Variants in ABI3BP observed in about 807,000 individuals in gnomAD.
ABI3BP encodes target of Nesh-SH3.
Under a neutral mutation model 268.6 loss-of-function variants are expected in ABI3BP, and 216 were observed. That is an observed-to-expected ratio of 0.80 (90% CI 0.72 to 0.90). The LOEUF is 0.90. ABI3BP is among the 40% of genes least tolerant of loss of function. The pLI, the probability that ABI3BP is intolerant of heterozygous loss-of-function variation, is 0.00. For missense variants in ABI3BP, 2,090 were observed against 2,182.4 expected (o/e 0.96, Z 0.84); for synonymous variants, 730 against 730.0 (o/e 1.00, Z 0.00).
intron 54 of ABI3BP, among the ~76,000 whole-genome samples, chr3:100,794,045 C>T (rs2097269899): frequency 6.6e-6 from 1 of 152,016 alleles, no homozygotes; most frequent in Non-Finnish European, 1.5e-5. Flanking sequence ...GCCTCTTTCC[C>T]ATCTGTCCGT....
intron 1 of ABI3BP, among the ~76,000 whole-genome samples, chr3:100,932,511 T>A (rs377252064): frequency 2.7e-5 from 4 of 150,808 alleles, no homozygotes; most frequent in Non-Finnish European, 4.5e-5. Context: ...AAAAACCAAA[T>A]AACCCCATTT....
chr3:100,986,459 G>T (rs1196350691), intron 1 of ABI3BP, among the ~76,000 whole-genome samples: 1 of 152,056 alleles, frequency 6.6e-6, no homozygotes, highest in Non-Finnish European at 1.5e-5. Flanking sequence ...ATAAGAAAAA[G>T]ATAACTAACA....
At chr3:100,871,310 A>T (rs1323203347) in intron 9 of ABI3BP, among the ~76,000 whole-genome samples, 4 of 152,208 alleles carry the variant, frequency 2.6e-5, no homozygotes, top group East Asian at 1.9e-4. Flanking sequence ...AAAAAATTTT[A>T]AAAAATTGTA....
chr3:100,846,570 A>G, intron 19 of ABI3BP, 124 bp from the exon 20 acceptor site: 2 of 619,444 alleles, frequency 3.2e-6, no homozygotes. Context: ...TCGTCTTGGA[A>G]GATTTTGGAA....
rs1191046487 is a variant in ABI3BP at position 100,778,341 on chromosome 3, G to A, written c.4276C>T (p.His1426Tyr). The A allele has an allele frequency of 1.9e-6, 3 of 1,613,614 alleles. No homozygotes were observed. Among genetic ancestry groups the A allele is most frequent in the Non-Finnish European group, 2.5e-6 (3 of 1,179,778 alleles). The change falls in exon 59 of 68, where the codon CAC becomes TAC. Residue 1426 changes from histidine (H) to tyrosine (Y), a missense_variant. Coordinates refer to ENST00000471714, the MANE Select transcript of ABI3BP (RefSeq NM_001375547.2). Reference sequence around the variant, plus strand: ...GGTGGTAAAGGTTTTCTTCGTGGGTGTGTAGGTCTGGGTGGCAAGGGTGGG... The same window carrying A: ...GGTGGTAAAGGTTTTCTTCGTGGGTATGTAGGTCTGGGTGGCAAGGGTGGG... ...RRPPLPPRPT[H>Y]PRRKPLPPNN...
At chr3:100,977,164 T>C (rs577768247) in intron 1 of ABI3BP, among the ~76,000 whole-genome samples, 1 of 152,364 alleles carries the variant, frequency 6.6e-6, no homozygotes, top group Non-Finnish European at 1.5e-5. Context: ...CAAAGCCATA[T>C]GCCAACAGAT....
At chr3:100,881,014 A>C (rs1348874535) in intron 6 of ABI3BP, among the ~76,000 whole-genome samples, 1 of 152,166 alleles carries the variant, frequency 6.6e-6, no homozygotes, top group Non-Finnish European at 1.5e-5. Context: ...TGGGCATATT[A>C]GATTCTGGTT....
At chr3:100,940,582 C>T (rs907892510) in intron 1 of ABI3BP, among the ~76,000 whole-genome samples, 4 of 150,760 alleles carry the variant, frequency 2.7e-5, no homozygotes, top group African/African-American at 9.7e-5. Context: ...ACCATTCCGA[C>T]CTTTCCTCAT....
At chr3:100,951,174 C>T (rs909611775) in intron 1 of ABI3BP, among the ~76,000 whole-genome samples, 1 of 151,950 alleles carries the variant, frequency 6.6e-6, no homozygotes, top group Middle Eastern at 3.4e-3. Flanking sequence ...TTCTCATTTC[C>T]CATAACTCCT....
chr3:100,811,296 G>A lies in ABI3BP; in HGVS notation c.3494-19C>T. The A allele has an allele frequency of 6.6e-7, 1 of 1,522,698 alleles. No homozygotes were observed. The highest frequency in any genetic ancestry group is 1.4e-5 in the African/African-American group (1 of 72,360). The allele number at this position is 1,522,698 out of a possible 1,614,324, so 94.3% of individuals were successfully genotyped here. A position where few individuals can be genotyped will look rare whatever the true frequency, so the allele number is the denominator to read the frequency against. The stretch of plus-strand genomic sequence containing the variant: ...TCCACAACTGTACCAAAACAAAGGA[G>A]AAAAATTTTAGAAACTGTAAGATAT... On this transcript the variant is annotated intron_variant, in intron 47 of 67. Coordinates refer to ENST00000471714, the MANE Select transcript of ABI3BP (RefSeq NM_001375547.2).
At chr3:100,769,840 GT>G (rs1211959845) in intron 62 of ABI3BP, among the ~76,000 whole-genome samples, 24 of 152,226 alleles carry the variant, frequency 1.6e-4, no homozygotes, top group Admixed American at 1.6e-3. Flanking sequence ...CTCACAAAAC[GT>G]GGTAAAGAAA....
At position 100,833,266 on chromosome 3, in the gene ABI3BP, C is replaced by T. The variant is rs908448847; in HGVS notation, c.2282-109G>A. 9.1e-6 allele frequency: 9 copies of T among 984,648 alleles called. No individual in the cohort carries two copies. The Middle Eastern group carries it at 1.3e-3, about 138-fold the overall frequency. 61.0% of individuals were successfully genotyped at this position (984,648 alleles called of 1,614,324 possible). ...GAACTTTACCATTATAGCGTTGGTT[C>T]TATAGCCACAAAGCAAACATTTTGA... On this transcript the variant is annotated intron_variant, in intron 29 of 67. Coordinates refer to ENST00000471714, the MANE Select transcript of ABI3BP (RefSeq NM_001375547.2).
intron 56 of ABI3BP, among the ~76,000 whole-genome samples, chr3:100,789,060 G>A (rs1560108153): frequency 1.3e-5 from 2 of 152,046 alleles, no homozygotes; most frequent in African/African-American, 2.4e-5. Flanking sequence ...AAGTAAAAAT[G>A]TTCTCCCAGA....
Position 100,750,464 on chromosome 3 carries a change from T to C in ABI3BP, c.*31A>G, listed in dbSNP as rs762552706. The C allele has an allele frequency of 2.6e-5, 39 of 1,526,480 alleles. No homozygotes were observed. Among genetic ancestry groups the C allele is most frequent in the Middle Eastern group, 1.7e-4 (1 of 5,926 alleles). 94.6% of individuals were successfully genotyped at this position (1,526,480 alleles called of 1,614,324 possible). ...TATTTTCAATGATTTTTGTTTGCAA[T>C]GATGAAACAGAAGGTAACTTTGTGC... On this transcript the variant is annotated 3_prime_UTR_variant, in exon 68 of 68. Transcript: ENST00000471714.
chr3:100,899,874 G>A (rs546121294), intron 3 of ABI3BP, among the ~76,000 whole-genome samples: 1 of 152,332 alleles, frequency 6.6e-6, no homozygotes, highest in South Asian at 2.1e-4. Context: ...TGAAGTGGGA[G>A]CCAAATGGCA....
chr3:100,866,804 A>C, intron 10 of ABI3BP, 75 bp downstream of exon 10: 10 of 1,258,460 alleles, frequency 7.9e-6, no homozygotes, highest in Non-Finnish European at 1.1e-5. Context: ...TTTACTGAAA[A>C]AAAGACTGCA....
intron 37 of ABI3BP, among the ~76,000 whole-genome samples, chr3:100,822,907 T>C (rs1295272115): frequency 6.6e-6 from 1 of 152,194 alleles, no homozygotes; most frequent in African/African-American, 2.4e-5. Flanking sequence ...TCTCATAGGG[T>C]AGCTTTACTG....
chr3:100,826,227 A>C (rs975390552), intron 34 of ABI3BP, among the ~76,000 whole-genome samples: 1 of 152,174 alleles, frequency 6.6e-6, no homozygotes, highest in Non-Finnish European at 1.5e-5. Context: ...GAGAAACCAC[A>C]CTTGCAGACA....
rs139338968 is a variant in ABI3BP at position 100,759,016 on chromosome 3, C to G, written c.4851-4325G>C. Among the ~76,000 whole-genome samples, 482 of 152,216 alleles carry G rather than the reference C, an allele frequency of 3.2e-3. 1 individual carries two copies. Among genetic ancestry groups the G allele is most frequent in the Non-Finnish European group, 5.1e-3 (347 of 68,008 alleles). ...ATAATCTTTTCCTTCTATTTTTTGC[C>G]TACAATTTAGAACTGAAGTAAAGTT... On this transcript the variant is annotated intron_variant, in intron 63 of 67. Transcript: ENST00000471714.
Sources: allele counts gnomAD v4.1 joint callset (sites outside exome capture counted in the v4.1 genomes callset), GRCh38; gene constraint gnomAD v4.1.1; transcripts MANE v1.5; gene names NCBI Gene and HGNC (gene_info 2026-07-23, HGNC 2026-07-21).